Variants in CFHR3 observed in about 807,000 individuals in gnomAD.
CFHR3 encodes complement factor H related 3.
CFHR3 carries 22 observed loss-of-function variants against 36.0 expected under a neutral mutation model. That is an observed-to-expected ratio of 0.61 (90% CI 0.44 to 0.87). The LOEUF is 0.87. Among genes scored for constraint, CFHR3 ranks in the 40% least tolerant of loss-of-function variants. The pLI is 0.00. For synonymous variants in CFHR3, 97 were observed against 137.4 expected (o/e 0.71, Z 2.06); for missense variants, 276 against 401.3 (o/e 0.69, Z 2.67).
chr1:196,775,612 G>T (rs561404090), intron 1 of CFHR3, among the ~76,000 whole-genome samples: 1 of 136,524 alleles, frequency 7.3e-6, no homozygotes, highest in East Asian at 2.0e-4. Context: ...TTTTCATAGC[G>T]TTATGTCATT....
chr1:196,785,021 T>A (rs1654136750), intron 3 of CFHR3, among the ~76,000 whole-genome samples: 1 of 136,438 alleles, frequency 7.3e-6, no homozygotes, highest in Admixed American at 7.0e-5. Flanking sequence ...TCTCTCAGCA[T>A]TTGCTTATCT....
intron 3 of CFHR3, among the ~76,000 whole-genome samples, chr1:196,787,441 C>A (rs918534898): frequency 1.5e-5 from 2 of 136,760 alleles, no homozygotes; most frequent in African/African-American, 3.1e-5. Flanking sequence ...AACATGATTT[C>A]TTTTTCTTTC....
At chr1:196,785,420 C>T (rs1654155541) in intron 3 of CFHR3, among the ~76,000 whole-genome samples, 1 of 134,376 alleles carries the variant, frequency 7.4e-6, no homozygotes, top group Non-Finnish European at 1.6e-5. Flanking sequence ...GTTCCATTCT[C>T]CCCGTCACTT....
chr1:196,790,715 C>G (rs1358180625), intron 5 of CFHR3, among the ~76,000 whole-genome samples: 1 of 124,902 alleles, frequency 8.0e-6, no homozygotes, highest in Non-Finnish European at 1.6e-5. Flanking sequence ...CAGAGGGAGA[C>G]CCCATCTCCA....
rs1447474900 is a variant in CFHR3, at chr1:196,788,082, T to G, written c.431-134T>G. The G allele has an allele frequency of 3.1e-6, 2 of 637,136 alleles. 1 individual carries two copies. Among genetic ancestry groups the G allele is most frequent in the Admixed American group, 7.7e-5 (2 of 25,952 alleles). 39.5% of individuals were successfully genotyped at this position (637,136 alleles called of 1,614,324 possible). ...TTAAGAACACGGATGTCTAGGAAAC[T>G]TCCAGTTTTGCTGTTTTCAATTCAT... is the stretch of plus-strand genomic sequence containing the variant. On this transcript the variant is annotated intron_variant, in intron 3 of 5. Transcript: ENST00000367425.
chr1:196,789,983 T>C (rs1363988119), intron 4 of CFHR3, 62 bp from the exon 5 acceptor site: 1 of 1,160,622 alleles, frequency 8.6e-7, no homozygotes, highest in African/African-American at 2.6e-5. Context: ...TAAAAAGCTT[T>C]ATTTAGAAAG....
At chr1:196,782,745 G>T (rs527781589) in intron 3 of CFHR3, among the ~76,000 whole-genome samples, 2 of 137,220 alleles carry the variant, frequency 1.5e-5, no homozygotes, top group South Asian at 5.1e-4. Flanking sequence ...CATGTCACCT[G>T]CAAACAAGGA....
At chr1:196,780,849 G>A (rs1335285933) in intron 3 of CFHR3, among the ~76,000 whole-genome samples, 4 of 132,812 alleles carry the variant, frequency 3.0e-5, no homozygotes, top group African/African-American at 1.3e-4. Context: ...TGTGCACAAT[G>A]TGCAGGTTAG....
In CFHR3 at chr1:196,789,396, T is replaced by C; in HGVS notation, c.614-649T>C. On this transcript the variant is annotated intron_variant, in intron 4 of 5. Coordinates refer to ENST00000367425, the MANE Select transcript of CFHR3 (RefSeq NM_021023.6). ...TACATTTCTAGAATACTGTTTTCAA[T>C]TTCTATACTTATCAAGGGCTCTGTG... The C allele has an allele frequency of 1.8e-5, 16 of 897,690 alleles. 2 individuals carry two copies. Among genetic ancestry groups the C allele is most frequent in the Non-Finnish European group, 1.9e-5 (14 of 755,028 alleles). The allele number at this position is 897,690 out of a possible 1,614,324, so 55.6% of individuals were successfully genotyped here.
At position 196,779,978 on chromosome 1, in the gene CFHR3, G is replaced by A; in HGVS notation, c.430+5G>A. The stretch of plus-strand genomic sequence containing the variant: ...CTCCCAGATGCATCCGTGTCAGTAA[G>A]TACACCGCTCTGAGATCCCAGCATG... On this transcript the variant is annotated splice_donor_5th_base_variant and intron_variant, in intron 3 of 5. Coordinates refer to ENST00000367425, the MANE Select transcript of CFHR3 (RefSeq NM_021023.6). The A allele has an allele frequency of 6.5e-7, 1 of 1,532,818 alleles. No homozygotes were observed. Among genetic ancestry groups the A allele is most frequent in the Non-Finnish European group, 8.8e-7 (1 of 1,132,922 alleles). The allele number at this position is 1,532,818 out of a possible 1,614,324, so 95.0% of individuals were successfully genotyped here.
Position 196,793,775 on chromosome 1 carries a change from A to T in CFHR3, c.*262A>T. 1 of 313,000 alleles carries T rather than the reference A, an allele frequency of 3.2e-6. No individual in the cohort carries two copies. Among genetic ancestry groups the T allele is most frequent in the Non-Finnish European group, 5.8e-6 (1 of 172,638 alleles). The allele number at this position is 313,000 out of a possible 1,614,324, so 19.4% of individuals were successfully genotyped here. ...TTCTTATCAATGAATTAGTAAGTAT[A>T]GAGACAGACAGCTGAATGGCTTTCT... On this transcript the variant is annotated 3_prime_UTR_variant, in exon 6 of 6. Transcript: ENST00000367425.
rs1167237728 is a variant in CFHR3 at position 196,786,220 on chromosome 1, G to A, written c.431-1996G>A. 2.2e-5 allele frequency among the ~76,000 whole-genome samples: 3 copies of A among 136,320 alleles called. 1 individual carries two copies. Among genetic ancestry groups the A allele is most frequent in the African/African-American group, 6.2e-5 (2 of 32,428 alleles). The allele number at this position is 136,320 out of a possible 152,430, so 89.4% of individuals were successfully genotyped here. A position where few individuals can be genotyped will look rare whatever the true frequency, so the allele number is the denominator to read the frequency against. ...GGTGTCAGTCTGCCCCTACTGGGTG[G>A]TGCCTCCCAGTTAGGCTGCTCGGGG... On this transcript the variant is annotated intron_variant, in intron 3 of 5. Transcript: ENST00000367425.
At chr1:196,784,648 T>A (rs1216803309) in intron 3 of CFHR3, among the ~76,000 whole-genome samples, 1 of 136,052 alleles carries the variant, frequency 7.4e-6, no homozygotes, top group Non-Finnish European at 1.6e-5. Context: ...TTGTTTTCCA[T>A]TTGCTTGGTA....
intron 3 of CFHR3, among the ~76,000 whole-genome samples, chr1:196,788,014 C>T (rs1160374986): frequency 7.3e-6 from 1 of 137,144 alleles, no homozygotes; most frequent in African/African-American, 3.0e-5. Context: ...TCATTCTGCC[C>T]TTCCCTGTGT....
At position 196,795,353 on chromosome 1, in the gene CFHR3, C is replaced by T. The variant is rs1654560211; in HGVS notation, c.*1840C>T. On this transcript the variant is annotated 3_prime_UTR_variant, in exon 6 of 6. Coordinates refer to ENST00000367425, the MANE Select transcript of CFHR3 (RefSeq NM_021023.6). ...TTCACCTTCTGTCATGATGGTGAGG[C>T]CTTCCCAGCAATGTGGAACTGTGAG... 1 of 137,098 alleles carries T rather than the reference C, an allele frequency of 7.3e-6. No homozygotes were observed. Among genetic ancestry groups the T allele is most frequent in the Non-Finnish European group, 1.5e-5 (1 of 64,682 alleles). The allele number at this position is 137,098 out of a possible 1,614,324, so 8.5% of individuals were successfully genotyped here.
chr1:196,779,983 C>T lies in CFHR3; in HGVS notation c.430+10C>T. On this transcript the variant is annotated intron_variant, in intron 3 of 5. Coordinates refer to ENST00000367425, the MANE Select transcript of CFHR3 (RefSeq NM_021023.6). ...AGATGCATCCGTGTCAGTAAGTACACCGCTCTGAGATCCCAGCATGTTCAT... is the reference window on the plus strand; with the variant it reads ...AGATGCATCCGTGTCAGTAAGTACATCGCTCTGAGATCCCAGCATGTTCAT... 6.5e-7 allele frequency: 1 copy of T among 1,532,222 alleles called. No homozygotes were observed. The highest frequency in any genetic ancestry group is 1.9e-4 in the Middle Eastern group (1 of 5,340). The allele number at this position is 1,532,222 out of a possible 1,614,324, so 94.9% of individuals were successfully genotyped here. A position where few individuals can be genotyped will look rare whatever the true frequency, so the allele number is the denominator to read the frequency against.
chr1:196,778,829 A>T lies in CFHR3; in HGVS notation c.59-333A>T, dbSNP rs1332084888. 3.6e-5 allele frequency among the ~76,000 whole-genome samples: 5 copies of T among 137,062 alleles called. 1 individual carries two copies. Among genetic ancestry groups the T allele is most frequent in the African/African-American group, 1.5e-4 (5 of 32,862 alleles). 89.9% of individuals were successfully genotyped at this position (137,062 alleles called of 152,430 possible). ...TATAGTTCTAGATAAGCTCAGTTCA[A>T]ATTAATGTTGATAAAACCTCCAGAA... On this transcript the variant is annotated intron_variant, in intron 1 of 5. Coordinates refer to ENST00000367425, the MANE Select transcript of CFHR3 (RefSeq NM_021023.6).
In CFHR3 at chr1:196,781,435, C is replaced by A. The variant is rs993550232; in HGVS notation, c.430+1462C>A. Among the ~76,000 whole-genome samples the A allele has an allele frequency of 8.0e-4, 108 of 134,492 alleles. 15 individuals carry two copies. The highest frequency in any genetic ancestry group is 2.4e-3 in the Admixed American group (33 of 13,996). The allele number at this position is 134,492 out of a possible 152,430, so 88.2% of individuals were successfully genotyped here. A position where few individuals can be genotyped will look rare whatever the true frequency, so the allele number is the denominator to read the frequency against. On this transcript the variant is annotated intron_variant, in intron 3 of 5. Coordinates refer to ENST00000367425, the MANE Select transcript of CFHR3 (RefSeq NM_021023.6). ...TCCCACCAATGGTGTAAAAGTGTTC[C>A]TATTTCTTCACATCCTCTCCAGCAC...
Position 196,783,731 on chromosome 1 carries a change from T to C in CFHR3, c.430+3758T>C, listed in dbSNP as rs1654067197. Among the ~76,000 whole-genome samples, 4 of 136,392 alleles carry C rather than the reference T, an allele frequency of 2.9e-5. 1 individual carries two copies. The South Asian group carries it at 1.0e-3, about 35-fold the overall frequency. 89.5% of individuals were successfully genotyped at this position (136,392 alleles called of 152,430 possible). ...TACTCTTGCTAGCAGTCTATCGATT[T>C]TGTTGATCCTTTCAAAAAACCAGCT... On this transcript the variant is annotated intron_variant, in intron 3 of 5. Transcript: ENST00000367425.
Sources: gnomAD v4.1 joint callset for allele counts (sites outside exome capture counted in the v4.1 genomes callset) on GRCh38, gnomAD v4.1.1 for gene constraint, MANE v1.5 for transcripts, NCBI Gene and HGNC (gene_info 2026-07-23, HGNC 2026-07-21) for gene names.